Variants in TFPT observed in about 807,000 individuals in gnomAD.
The protein encoded by TFPT is INO80 complex subunit F.
Under a neutral mutation model 28.8 loss-of-function variants are expected in TFPT, and 27 were observed. That is an observed-to-expected ratio of 0.94 (90% CI 0.69 to 1.29). TFPT has a LOEUF of 1.29. Ranked by LOEUF, TFPT falls within the 50% of genes most tolerant of loss-of-function variation. TFPT has a pLI of 0.00. For synonymous variants in TFPT, 152 were observed against 142.8 expected, an observed-to-expected ratio of 1.06 and a Z score of -0.46; for missense variants, 330 against 338.0, an observed-to-expected ratio of 0.98 and a Z score of 0.19.
At chr19:54,108,735 T>C in intron 3 of TFPT, 1 of 855,026 alleles carries the variant, frequency 1.2e-6, no homozygotes, top group African/African-American at 1.7e-5. Flanking sequence ...ATGTGAGTTA[T>C]AATTTTTATT....
At chr19:54,109,432 G>A (rs776492201) in intron 3 of TFPT, among the ~76,000 whole-genome samples, 3 of 152,168 alleles carry the variant, frequency 2.0e-5, no homozygotes, top group Admixed American at 1.3e-4. Flanking sequence ...CCACTGTGCC[G>A]AGCCTGAGCC....
chr19:54,114,480 ACT>A lies in TFPT; in HGVS notation c.242_243del (p.Lys81IlefsTer49). ...RRRQRELNRR[K>X]YQALGRRCRE... The stretch of plus-strand genomic sequence containing the variant: ...CGGCAGCGCCGACCTAGTGCCTGGT[ACT>A]TTCTGCGATTTAATTCCCGCTGGCG... On this transcript the variant is annotated frameshift_variant, in exon 2 of 6. Coordinates refer to ENST00000391759, the MANE Select transcript of TFPT (RefSeq NM_013342.4). LOFTEE classifies it high-confidence loss of function. 6.2e-7 allele frequency: 1 copy of A among 1,613,740 alleles called. No homozygotes were observed. Among genetic ancestry groups the A allele is most frequent in the Non-Finnish European group, 8.5e-7 (1 of 1,179,990 alleles).
In TFPT at chr19:54,113,294, G is replaced by C. The variant is rs1315182972; in HGVS notation, c.282+1148C>G. Among the ~76,000 whole-genome samples, 10 of 151,938 alleles carry C rather than the reference G, an allele frequency of 6.6e-5. No individual in the cohort carries two copies. The South Asian group carries it at 1.2e-3, about 19-fold the overall frequency. ...TATAAAAAGGGTAAATTGGGACACA[G>C]ACACACACACAGGGAGCAGCAATGT... On this transcript the variant is annotated intron_variant, in intron 2 of 5. Transcript: ENST00000391759.
At chr19:54,108,770 G>C in intron 3 of TFPT, 1 of 680,628 alleles carries the variant, frequency 1.5e-6, no homozygotes, top group East Asian at 2.8e-5. Context: ...GGGGAGTACA[G>C]AACGCTCCTC....
rs757257456 is a variant in TFPT at position 54,107,042 on chromosome 19, G to A, written c.*8C>T. ...GGGTGAGTGTGGGGTCAGTTTATTG[G>A]GCATGCGTCAGTCAGAGGCTGGGCT... On this transcript the variant is annotated 3_prime_UTR_variant, in exon 6 of 6. Coordinates refer to ENST00000391759, the MANE Select transcript of TFPT (RefSeq NM_013342.4). The A allele has an allele frequency of 3.7e-5, 59 of 1,613,144 alleles. No homozygotes were observed. Among genetic ancestry groups the A allele is most frequent in the Non-Finnish European group, 5.0e-5 (59 of 1,179,738 alleles).
chr19:54,108,038 C>T lies in TFPT; in HGVS notation c.630G>A (p.Leu210=), dbSNP rs2073325542. 6.6e-7 allele frequency: 1 copy of T among 1,520,042 alleles called. No homozygotes were observed. The highest frequency in any genetic ancestry group is 8.8e-7 in the Non-Finnish European group (1 of 1,134,890). 94.2% of individuals were successfully genotyped at this position (1,520,042 alleles called of 1,614,324 possible). Residue 210 remains leucine (L), a synonymous_variant, in exon 5 of 6, where the codon CTG becomes CTA. Coordinates refer to ENST00000391759, the MANE Select transcript of TFPT (RefSeq NM_013342.4). ...RRAGNALTPE[L]APVQIKVEED... ...CCGCCTTCCTCACCTGCACCGGGGC[C>T]AGCTCTGGAGTCAGCGCATTTCCTG...
At chr19:54,114,402 G>A in intron 2 of TFPT, 40 bp downstream of exon 2, 4 of 1,587,346 alleles carry the variant, frequency 2.5e-6, no homozygotes, top group Non-Finnish European at 2.6e-6. Flanking sequence ...GGTAGTTTAG[G>A]CCAGGGGACC....
chr19:54,111,025 A>G (rs1267419254), intron 2 of TFPT, among the ~76,000 whole-genome samples: 1 of 152,226 alleles, frequency 6.6e-6, no homozygotes, highest in Non-Finnish European at 1.5e-5. Flanking sequence ...AGGTTAGGGC[A>G]GGAGGTGCGA....
At position 54,115,446 on chromosome 19, in the gene TFPT, C is replaced by T; in HGVS notation, c.-177G>A. On this transcript the variant is annotated 5_prime_UTR_variant, in exon 1 of 6. Coordinates refer to ENST00000391759, the MANE Select transcript of TFPT (RefSeq NM_013342.4). ...TTCCGGCTTCGCTTCGGCCCACCCC[C>T]ACGTCCACCCCGAATCCCTGCTTAA... The T allele has an allele frequency of 2.6e-6, 2 of 769,944 alleles. No homozygotes were observed. The highest frequency in any genetic ancestry group is 4.2e-6 in the Non-Finnish European group (2 of 473,522). The allele number at this position is 769,944 out of a possible 1,614,324, so 47.7% of individuals were successfully genotyped here. A position where few individuals can be genotyped will look rare whatever the true frequency, so the allele number is the denominator to read the frequency against.
intron 2 of TFPT, among the ~76,000 whole-genome samples, chr19:54,111,082 AAGG>A (rs1481045999): frequency 3.3e-5 from 5 of 152,174 alleles, no homozygotes; most frequent in African/African-American, 9.6e-5. Context: ...AGACTTGAAT[AAGG>A]AGGAGACAAA....
intron 2 of TFPT, among the ~76,000 whole-genome samples, chr19:54,110,723 C>A (rs1369178753): frequency 6.6e-6 from 1 of 151,846 alleles, no homozygotes; most frequent in Non-Finnish European, 1.5e-5. Flanking sequence ...TTGCAACACA[C>A]CCGACCCCCC....
Position 54,107,164 on chromosome 19 carries a change from C to G in TFPT, c.648G>C (p.Lys216Asn). ...LTPELAPVQIKVEEDFGFEAD... is the reference protein window; with the variant it reads ...LTPELAPVQINVEEDFGFEAD... ...CTTCAAAGCCAAAGTCTTCCTCAAC[C>G]TTAATCTGCAGGAGATAAGGAACAA... is the stretch of plus-strand genomic sequence containing the variant. The change falls in exon 6 of 6, where the codon AAG (lysine) becomes AAC (asparagine). Residue 216 changes from lysine (K) to asparagine (N), a missense_variant. Coordinates refer to ENST00000391759, the MANE Select transcript of TFPT (RefSeq NM_013342.4). 1 of 1,613,400 alleles carries G rather than the reference C, an allele frequency of 6.2e-7. No homozygotes were observed.
chr19:54,114,752 T>C, intron 1 of TFPT, 52 bp from the exon 2 acceptor site: 1 of 1,510,052 alleles, frequency 6.6e-7, no homozygotes, highest in East Asian at 2.3e-5. Flanking sequence ...CCCCAGCCCC[T>C]TCTCCCACTG....
chr19:54,114,709 C>A lies in TFPT; in HGVS notation c.24-9G>T. On this transcript the variant is annotated splice_polypyrimidine_tract_variant and intron_variant, in intron 1 of 5. Coordinates refer to ENST00000391759, the MANE Select transcript of TFPT (RefSeq NM_013342.4). ...CCACGGCTGCCATGGTCCTGAGAGG[C>A]AGGGAAAGGCTCAGGGGCCCTGGAT... The A allele has an allele frequency of 1.2e-6, 2 of 1,609,088 alleles. No homozygotes were observed. Among genetic ancestry groups the A allele is most frequent in the Non-Finnish European group, 1.7e-6 (2 of 1,178,338 alleles).
chr19:54,114,947 G>T, intron 1 of TFPT: 1 of 669,886 alleles, frequency 1.5e-6, no homozygotes, highest in Non-Finnish European at 2.5e-6. Flanking sequence ...CTCCCAGGAT[G>T]CAAGAGTCCA....
Position 54,107,154 on chromosome 19 carries a change from C to A in TFPT, c.658G>T (p.Asp220Tyr), listed in dbSNP as rs149913762. 80 of 1,613,628 alleles carry A rather than the reference C, an allele frequency of 5.0e-5. No homozygotes were observed. The highest frequency in any genetic ancestry group is 6.4e-5 in the Non-Finnish European group (75 of 1,179,940). Reference protein sequence around the residue: ...LAPVQIKVEEDFGFEADEALD... With the variant: ...LAPVQIKVEEYFGFEADEALD... Reference sequence around the variant, plus strand: ...GCCTCATCTGCTTCAAAGCCAAAGTCTTCCTCAACCTTAATCTGCAGGAGA... The same window carrying A: ...GCCTCATCTGCTTCAAAGCCAAAGTATTCCTCAACCTTAATCTGCAGGAGA... Residue 220 changes from aspartate to tyrosine, a missense_variant, in exon 6 of 6, where the codon GAC (aspartate) becomes TAC (tyrosine). By Grantham distance (160) the Asp-to-Tyr change is radical (BLOSUM62 -3). Coordinates refer to ENST00000391759, the MANE Select transcript of TFPT (RefSeq NM_013342.4).
Position 54,114,741 on chromosome 19 carries a change from C to T in TFPT, c.24-41G>A, listed in dbSNP as rs768567332. On this transcript the variant is annotated intron_variant, in intron 1 of 5. Transcript: ENST00000391759. The stretch of plus-strand genomic sequence containing the variant: ...AGGCTCAGGGGCCCTGGATCCTGGA[C>T]CCCCAGCCCCTTCTCCCACTGAACC... The T allele has an allele frequency of 4.6e-5, 73 of 1,574,808 alleles. 1 individual carries two copies. The South Asian group carries it at 4.7e-4, about 10-fold the overall frequency.
Position 54,114,667 on chromosome 19 carries a change from T to C in TFPT, c.57A>G (p.Ser19=). 6.2e-7 allele frequency: 1 copy of C among 1,613,808 alleles called. No homozygotes were observed. Among genetic ancestry groups the C allele is most frequent in the Non-Finnish European group, 8.5e-7 (1 of 1,180,006 alleles). Residue 19 remains serine (S), a synonymous_variant, in exon 2 of 6, where the codon TCA becomes TCG. Transcript: ENST00000391759. ...TMAAVGFEEF[S]APPGSELALP... ...ACGCCAACTCTGAGCCTGGCGGCGC[T>C]GAGAACTCCTCAAAGCCCACGGCTG... is the stretch of plus-strand genomic sequence containing the variant.
chr19:54,108,777 C>T, intron 3 of TFPT: 1 of 648,382 alleles, frequency 1.5e-6, no homozygotes, highest in Non-Finnish European at 2.6e-6. Flanking sequence ...ACAGAACGCT[C>T]CTCCTAATGA....
Sources: gnomAD v4.1 joint callset for allele counts (sites outside exome capture counted in the v4.1 genomes callset) on GRCh38, gnomAD v4.1.1 for gene constraint, MANE v1.5 for transcripts, NCBI Gene and HGNC (gene_info 2026-07-23, HGNC 2026-07-21) for gene names.